Variants in FAM168A observed in about 807,000 individuals in gnomAD.
FAM168A encodes the protein family with sequence similarity 168 member A, also known as protein FAM168A.
Under a neutral mutation model 28.5 loss-of-function variants are expected in FAM168A, and 3 were observed. The ratio of observed to expected loss-of-function variants is 0.11; its 90% CI spans 0.05 to 0.27. The LOEUF (loss-of-function observed/expected upper bound fraction) is 0.27, where lower values mean the gene tolerates loss of function less well. Ranked by LOEUF, FAM168A falls within the 10% of genes least tolerant of loss-of-function variation. The pLI, the probability that FAM168A is intolerant of heterozygous loss-of-function variation, is 1.00. For synonymous variants in FAM168A, 122 were observed against 124.2 expected (o/e 0.98, Z 0.12); for missense variants, 222 against 311.5 (o/e 0.71, Z 2.16).
Position 73,403,295 on chromosome 11 carries a change from G to A in FAM168A, c.*3468C>T, listed in dbSNP as rs539515464. On this transcript the variant is annotated 3_prime_UTR_variant, in exon 8 of 8. Coordinates refer to ENST00000356467, the MANE Select transcript of FAM168A (RefSeq NM_015159.3). ...ATGTTTCAGGCTTTCACTATTTGCAGGCAATCCAGCTCCCAGACTCAAACT... is the reference window on the plus strand; with the variant it reads ...ATGTTTCAGGCTTTCACTATTTGCAAGCAATCCAGCTCCCAGACTCAAACT... The A allele has an allele frequency of 5.9e-5, 9 of 152,242 alleles. No homozygotes were observed. In the East Asian group the frequency reaches 1.7e-3, roughly 29 times the overall value. The allele number at this position is 152,242 out of a possible 1,614,324, so 9.4% of individuals were successfully genotyped here. A position where few individuals can be genotyped will look rare whatever the true frequency, so the allele number is the denominator to read the frequency against.
intron 1 of FAM168A, among the ~76,000 whole-genome samples, chr11:73,514,332 A>G (rs754654273): frequency 6.6e-5 from 10 of 152,208 alleles, no homozygotes; most frequent in Non-Finnish European, 4.4e-5. Flanking sequence ...GCATAATACA[A>G]CTGCTTTTGA....
intron 2 of FAM168A, among the ~76,000 whole-genome samples, chr11:73,445,417 C>CTATTTTTTTTT (rs1565248223): frequency 1.1e-5 from 1 of 92,180 alleles, no homozygotes; most frequent in Non-Finnish European, 2.1e-5. Flanking sequence ...GTAAAAATGT[C>CTATTTTTTTTT]TCTTTTTTTT....
chr11:73,508,560 CGT>C (rs142113717), intron 1 of FAM168A, among the ~76,000 whole-genome samples: 11 of 150,506 alleles, frequency 7.3e-5, no homozygotes, highest in Non-Finnish European at 1.0e-4. Flanking sequence ...TGCGTGGGTG[CGT>C]GTGTGTGTGT....
intron 1 of FAM168A, among the ~76,000 whole-genome samples, chr11:73,529,946 C>CCAGCTAATT (rs1943496314): frequency 6.6e-6 from 1 of 151,894 alleles, no homozygotes; most frequent in African/African-American, 2.4e-5. Flanking sequence ...GGCACCACAC[C>CCAGCTAATT]CAGCTAATTT....
At chr11:73,450,317 TG>T (rs1374533682) in intron 2 of FAM168A, among the ~76,000 whole-genome samples, 1 of 152,216 alleles carries the variant, frequency 6.6e-6, no homozygotes, top group Non-Finnish European at 1.5e-5. Flanking sequence ...AGGAAGACTA[TG>T]GAACATTTAC....
At chr11:73,475,878 T>C (rs147067827) in intron 1 of FAM168A, among the ~76,000 whole-genome samples, 241 of 152,248 alleles carry the variant, frequency 1.6e-3, no homozygotes, top group Middle Eastern at 0.01. Flanking sequence ...CCCAGAGTCA[T>C]TGTCAAAAAC....
intron 1 of FAM168A, among the ~76,000 whole-genome samples, chr11:73,492,283 A>G (rs1029428608): frequency 6.6e-6 from 1 of 152,228 alleles, no homozygotes; most frequent in Non-Finnish European, 1.5e-5. Flanking sequence ...TCACTTAACA[A>G]CATAACCAGC....
intron 2 of FAM168A, among the ~76,000 whole-genome samples, chr11:73,459,860 C>T (rs543868398): frequency 6.7e-6 from 1 of 150,254 alleles, no homozygotes; most frequent in East Asian, 2.0e-4. Context: ...TGACCAGTCA[C>T]AACAGATAAT....
intron 1 of FAM168A, among the ~76,000 whole-genome samples, chr11:73,589,070 C>T (rs539852780): frequency 6.6e-6 from 1 of 152,182 alleles, no homozygotes; most frequent in South Asian, 2.1e-4. Flanking sequence ...TGCAACACTG[C>T]GAAAAAATAA....
intron 1 of FAM168A, among the ~76,000 whole-genome samples, chr11:73,596,535 AC>A (rs1279613138): frequency 6.6e-6 from 1 of 152,004 alleles, no homozygotes; most frequent in East Asian, 1.9e-4. Flanking sequence ...CAAAAACATC[AC>A]CCGAACAGAT....
intron 6 of FAM168A, 128 bp downstream of exon 6, chr11:73,409,359 T>G (rs1866566071): frequency 1.6e-6 from 2 of 1,214,988 alleles, no homozygotes; most frequent in East Asian, 5.0e-5. Flanking sequence ...CTCCTTCCTC[T>G]GGGTTCCCAA....
rs1390673066 is a variant in FAM168A, at chr11:73,404,564, A to G, written c.*2199T>C. 1 of 152,246 alleles carries G rather than the reference A, an allele frequency of 6.6e-6. No homozygotes were observed. Among genetic ancestry groups the G allele is most frequent in the Non-Finnish European group, 1.5e-5 (1 of 68,044 alleles). 9.4% of individuals were successfully genotyped at this position (152,246 alleles called of 1,614,324 possible). On this transcript the variant is annotated 3_prime_UTR_variant, in exon 8 of 8. Coordinates refer to ENST00000356467, the MANE Select transcript of FAM168A (RefSeq NM_015159.3). ...AGGTATTTGCAAAAAGTGAATTAAC[A>G]CTGGAAAACTTTCTATTGTTTTAAA...
At chr11:73,520,044 A>T (rs889643266) in intron 1 of FAM168A, among the ~76,000 whole-genome samples, 5 of 151,344 alleles carry the variant, frequency 3.3e-5, no homozygotes, top group South Asian at 4.2e-4. Flanking sequence ...TTATAATTTT[A>T]TTATTATTAT....
At chr11:73,470,422 C>T (rs2134579242) in intron 1 of FAM168A, among the ~76,000 whole-genome samples, 1 of 152,182 alleles carries the variant, frequency 6.6e-6, no homozygotes, top group Admixed American at 6.5e-5. Context: ...AATGTTTCCC[C>T]CCAGAAAGCA....
At chr11:73,501,028 A>G (rs1855001291) in intron 1 of FAM168A, among the ~76,000 whole-genome samples, 1 of 151,900 alleles carries the variant, frequency 6.6e-6, no homozygotes. Context: ...AAAAAAAAAA[A>G]GCAGGGGTTG....
At chr11:73,470,848 GA>G (rs1420537865) in intron 1 of FAM168A, among the ~76,000 whole-genome samples, 2 of 152,180 alleles carry the variant, frequency 1.3e-5, no homozygotes, top group Non-Finnish European at 2.9e-5. Context: ...CTCCTACTGA[GA>G]AGACACTCTG....
intron 1 of FAM168A, among the ~76,000 whole-genome samples, chr11:73,584,607 G>A (rs543412304): frequency 6.6e-5 from 10 of 151,794 alleles, no homozygotes; most frequent in African/African-American, 2.2e-4. Flanking sequence ...CGGAATAGCC[G>A]GGACTACAGG....
At chr11:73,552,221 T>C (rs1943838211) in intron 1 of FAM168A, among the ~76,000 whole-genome samples, 1 of 152,206 alleles carries the variant, frequency 6.6e-6, no homozygotes, top group Non-Finnish European at 1.5e-5. Flanking sequence ...CTTGGGCACA[T>C]TTCTTAATCT....
intron 1 of FAM168A, among the ~76,000 whole-genome samples, chr11:73,534,534 C>A (rs1480358631): frequency 6.6e-6 from 1 of 151,974 alleles, no homozygotes; most frequent in Non-Finnish European, 1.5e-5. Context: ...TCCCGAGTAA[C>A]TGGGATTACA....
Sources: allele counts gnomAD v4.1 joint callset (sites outside exome capture counted in the v4.1 genomes callset), GRCh38; gene constraint gnomAD v4.1.1; transcripts MANE v1.5; gene names NCBI Gene and HGNC (gene_info 2026-07-23, HGNC 2026-07-21).